INPP4B: variants seen among roughly 807,000 people sequenced by gnomAD.
INPP4B encodes inositol polyphosphate-4-phosphatase type II B, also known as inositol polyphosphate 4-phosphatase type II.
In INPP4B, 55 loss-of-function variants were observed where a neutral mutation model predicts 122.5. The observed-to-expected ratio is 0.45, with a 90% CI of 0.36 to 0.56. The LOEUF is 0.56. Ranked by LOEUF, INPP4B falls within the 20% of genes least tolerant of loss-of-function variation. The pLI, the probability that INPP4B is intolerant of heterozygous loss-of-function variation, is 0.00. For synonymous variants in INPP4B, 403 were observed against 388.7 expected (o/e 1.04, Z -0.43); for missense variants, 1,000 against 1,097.7 (o/e 0.91, Z 1.26).
At chr4:142,694,900 C>A (rs1167116917) in intron 2 of INPP4B, among the ~76,000 whole-genome samples, 1 of 151,916 alleles carries the variant, frequency 6.6e-6, no homozygotes, top group Non-Finnish European at 1.5e-5. Context: ...ATTTTCTCTA[C>A]TGGGAGCAAA....
intron 25 of INPP4B, among the ~76,000 whole-genome samples, chr4:142,060,384 GA>G (rs1023913705): frequency 2.6e-5 from 4 of 152,044 alleles, no homozygotes; most frequent in African/African-American, 9.7e-5. Flanking sequence ...AAGTACCCCA[GA>G]AAAACTCAGG....
chr4:142,115,644 A>G (rs1334943749), intron 21 of INPP4B, among the ~76,000 whole-genome samples: 1 of 152,202 alleles, frequency 6.6e-6, no homozygotes, highest in Non-Finnish European at 1.5e-5. Context: ...CCTGCCTTAC[A>G]AGAGCTCCTC....
chr4:142,338,994 T>A (rs1181614184), intron 7 of INPP4B, among the ~76,000 whole-genome samples: 3 of 151,322 alleles, frequency 2.0e-5, no homozygotes, highest in Non-Finnish European at 4.4e-5. Context: ...GAGAAGGAGG[T>A]CGGAACATAC....
chr4:142,281,826 T>C (rs890780250), intron 9 of INPP4B, among the ~76,000 whole-genome samples: 6 of 152,116 alleles, frequency 3.9e-5, no homozygotes, highest in Admixed American at 2.0e-4. Flanking sequence ...TAAAATCCTG[T>C]GATTTTTAAA....
chr4:142,053,743 C>G (rs1000060981), intron 25 of INPP4B, among the ~76,000 whole-genome samples: 40 of 152,024 alleles, frequency 2.6e-4, no homozygotes, highest in Admixed American at 6.6e-5. Context: ...AATTGCTAAC[C>G]TCTACCAGAA....
chr4:142,031,753 T>C (rs1035742998), intron 25 of INPP4B, among the ~76,000 whole-genome samples: 12 of 152,194 alleles, frequency 7.9e-5, no homozygotes, highest in African/African-American at 2.2e-4. Context: ...CCTTACATTA[T>C]ATTATTTCTT....
chr4:142,828,190 T>C (rs1334632334), intron 1 of INPP4B, among the ~76,000 whole-genome samples: 2 of 152,214 alleles, frequency 1.3e-5, no homozygotes, highest in East Asian at 1.9e-4. Context: ...TTAAAAAGGA[T>C]AAGACAAATA....
intron 9 of INPP4B, among the ~76,000 whole-genome samples, chr4:142,276,273 T>C (rs1748356350): frequency 6.6e-6 from 1 of 151,936 alleles, no homozygotes; most frequent in Admixed American, 6.6e-5. Context: ...TTCACTATTT[T>C]ATTTTTTTCC....
intron 2 of INPP4B, among the ~76,000 whole-genome samples, chr4:142,529,605 C>G (rs1214508126): frequency 1.3e-5 from 2 of 151,462 alleles, no homozygotes; most frequent in Non-Finnish European, 2.9e-5. Context: ...ATTTTAATTC[C>G]TAGCATGATA....
chr4:142,710,534 A>G (rs1324922592), intron 2 of INPP4B, among the ~76,000 whole-genome samples: 3 of 152,342 alleles, frequency 2.0e-5, no homozygotes, highest in Admixed American at 2.0e-4. Context: ...AAAGATAATA[A>G]AGAGGAGAAT....
chr4:142,085,382 T>A (rs336326), intron 24 of INPP4B, among the ~76,000 whole-genome samples: 97,948 of 152,134 alleles, frequency 0.64, 33,463 homozygotes, highest in Non-Finnish European at 0.76. Context: ...ACTGCAAACA[T>A]GGCATTTATC....
chr4:142,147,448 T>A (rs1304399918), intron 17 of INPP4B, among the ~76,000 whole-genome samples: 1 of 152,170 alleles, frequency 6.6e-6, no homozygotes, highest in Non-Finnish European at 1.5e-5. Flanking sequence ...ACATTCAAAG[T>A]TAGCACAGGT....
At chr4:142,148,025 C>G (rs181154774) in intron 17 of INPP4B, among the ~76,000 whole-genome samples, 1 of 152,126 alleles carries the variant, frequency 6.6e-6, no homozygotes, top group East Asian at 1.9e-4. Context: ...AAACTCATGC[C>G]CTCTCTTTTG....
At chr4:142,511,480 A>G (rs148522044) in intron 2 of INPP4B, among the ~76,000 whole-genome samples, 128 of 152,310 alleles carry the variant, frequency 8.4e-4, no homozygotes, top group African/African-American at 3.0e-3. Flanking sequence ...CCTGTAAATC[A>G]GAACACATTA....
chr4:142,627,862 G>T (rs1746866017), intron 2 of INPP4B, among the ~76,000 whole-genome samples: 1 of 151,844 alleles, frequency 6.6e-6, no homozygotes, highest in South Asian at 2.1e-4. Flanking sequence ...GTAGAATTCG[G>T]CTGTGAATCC....
chr4:142,148,932 T>C (rs1812271242), intron 17 of INPP4B, among the ~76,000 whole-genome samples: 1 of 152,224 alleles, frequency 6.6e-6, no homozygotes, highest in Non-Finnish European at 1.5e-5. Flanking sequence ...TACTAATACA[T>C]AATTTATGAA....
At chr4:142,128,657 G>A (rs371441753) in intron 18 of INPP4B, among the ~76,000 whole-genome samples, 5 of 152,134 alleles carry the variant, frequency 3.3e-5, no homozygotes, top group African/African-American at 1.2e-4. Context: ...AGCTTTTCCT[G>A]AGCTTTGTGA....
At chr4:142,684,302 G>T (rs903150397) in intron 2 of INPP4B, among the ~76,000 whole-genome samples, 2 of 152,008 alleles carry the variant, frequency 1.3e-5, no homozygotes, top group Admixed American at 1.3e-4. Flanking sequence ...TTACCGAATA[G>T]CGCTCCCAAA....
intron 15 of INPP4B, 33 bp downstream of exon 15, chr4:142,193,054 T>C (rs1192566895): frequency 8.5e-6 from 11 of 1,289,052 alleles, no homozygotes; most frequent in South Asian, 1.2e-5. Flanking sequence ...ATGTTATTAA[T>C]GGAATCTGTG....
Sources: gnomAD v4.1 joint callset for allele counts (sites outside exome capture counted in the v4.1 genomes callset) on GRCh38, gnomAD v4.1.1 for gene constraint, MANE v1.5 for transcripts, NCBI Gene and HGNC (gene_info 2026-07-23, HGNC 2026-07-21) for gene names.